The following CDC73 variants were observed in gnomAD, a reference collection of about 807,000 sequenced individuals.
CDC73 encodes the protein cell division cycle 73, also known as parafibromin.
A neutral mutation model predicts 83.7 loss-of-function variants in CDC73; 21 were observed. The ratio of observed to expected loss-of-function variants is 0.25; its 90% CI spans 0.18 to 0.36. The LOEUF (loss-of-function observed/expected upper bound fraction) is 0.36, where lower values mean the gene tolerates loss of function less well. CDC73 is among the 10% of genes least tolerant of loss of function. CDC73 has a pLI of 1.00. For missense variants in CDC73, 342 were observed against 653.3 expected (o/e 0.52, Z 5.19); for synonymous variants, 224 against 212.9 (o/e 1.05, Z -0.45).
intron 13 of CDC73, among the ~76,000 whole-genome samples, chr1:193,230,550 A>G (rs893002904): frequency 7.1e-5 from 10 of 140,872 alleles, no homozygotes; most frequent in African/African-American, 2.2e-4. Flanking sequence ...AGATGAACCT[A>G]TTTTGCCTGA....
chr1:193,191,448 C>T (rs111620895), intron 10 of CDC73, among the ~76,000 whole-genome samples: 1,679 of 152,226 alleles, frequency 0.011, 29 homozygotes, highest in African/African-American at 0.038. Context: ...AGTGCAGTGG[C>T]GTGATCTTGG....
At chr1:193,233,222 C>T (rs148381747) in intron 14 of CDC73, 68 bp downstream of exon 14, 2 of 1,408,796 alleles carry the variant, frequency 1.4e-6, no homozygotes, top group Admixed American at 1.7e-5. Context: ...GTTGTTATTG[C>T]CGTTGATGAC....
At chr1:193,122,603 G>GT in intron 1 of CDC73, 1 of 431,326 alleles carries the variant, frequency 2.3e-6, no homozygotes, top group Non-Finnish European at 4.3e-6. Flanking sequence ...ATTTTTATCA[G>GT]TAGGTATGTG....
chr1:193,161,404 A>T (rs528526601), intron 10 of CDC73, among the ~76,000 whole-genome samples: 2 of 150,908 alleles, frequency 1.3e-5, no homozygotes, highest in Non-Finnish European at 2.9e-5. Flanking sequence ...GACAAAAGTC[A>T]TACCATAGAA....
intron 10 of CDC73, among the ~76,000 whole-genome samples, chr1:193,191,925 C>G (rs1177449880): frequency 6.6e-6 from 1 of 152,048 alleles, no homozygotes; most frequent in Non-Finnish European, 1.5e-5. Flanking sequence ...TTTCAGGCAG[C>G]TTACTCTCCA....
intron 15 of CDC73, among the ~76,000 whole-genome samples, chr1:193,249,363 T>C (rs1678006661): frequency 6.6e-6 from 1 of 152,046 alleles, no homozygotes; most frequent in Admixed American, 6.6e-5. Flanking sequence ...CTACGTAACT[T>C]TTATAAAAAT....
intron 1 of CDC73, among the ~76,000 whole-genome samples, chr1:193,123,153 C>G (rs1440164459): frequency 6.6e-6 from 1 of 152,060 alleles, no homozygotes; most frequent in African/African-American, 2.4e-5. Context: ...AACTTCCCTA[C>G]TCATTTTGTT....
At chr1:193,131,950 T>C (rs558959963) in intron 3 of CDC73, among the ~76,000 whole-genome samples, 94 of 152,360 alleles carry the variant, frequency 6.2e-4, no homozygotes, top group Admixed American at 1.5e-3. Context: ...ATGTACATAG[T>C]GTCTGTCTTT....
intron 10 of CDC73, among the ~76,000 whole-genome samples, chr1:193,195,233 GA>G (rs1400398016): frequency 1.3e-5 from 2 of 152,116 alleles, no homozygotes; most frequent in African/African-American, 4.8e-5. Context: ...ATCTCATCCA[GA>G]AACACCGTCA....
At chr1:193,166,365 G>A (rs1304727529) in intron 10 of CDC73, among the ~76,000 whole-genome samples, 1 of 152,020 alleles carries the variant, frequency 6.6e-6, no homozygotes, top group Non-Finnish European at 1.5e-5. Context: ...GTGTTGCCCG[G>A]GCTGGTCTCT....
At chr1:193,229,838 A>G (rs893997192) in intron 13 of CDC73, among the ~76,000 whole-genome samples, 15 of 152,230 alleles carry the variant, frequency 9.9e-5, no homozygotes, top group Admixed American at 2.0e-4. Flanking sequence ...GTGTGTCTAT[A>G]TAAATTCCCA....
At chr1:193,148,786 A>G (rs1676053911) in intron 8 of CDC73, among the ~76,000 whole-genome samples, 1 of 151,506 alleles carries the variant, frequency 6.6e-6, no homozygotes, top group Admixed American at 6.6e-5. Context: ...CCAGGATTAC[A>G]GGCGCATGCC....
chr1:193,210,510 A>G (rs1405003503), intron 11 of CDC73, among the ~76,000 whole-genome samples: 2 of 152,204 alleles, frequency 1.3e-5, no homozygotes, highest in Non-Finnish European at 2.9e-5. Flanking sequence ...TTATCCTAAG[A>G]TGTATTCATC....
intron 13 of CDC73, among the ~76,000 whole-genome samples, chr1:193,215,592 G>A (rs888911933): frequency 7.1e-6 from 1 of 141,420 alleles, no homozygotes; most frequent in African/African-American, 2.6e-5. Flanking sequence ...ATTAACACAG[G>A]TTTTTTTTTT....
At chr1:193,224,589 T>C (rs558353926) in intron 13 of CDC73, among the ~76,000 whole-genome samples, 2 of 152,288 alleles carry the variant, frequency 1.3e-5, no homozygotes, top group South Asian at 4.1e-4. Context: ...ATATGAAATA[T>C]GCATTCACAT....
intron 3 of CDC73, among the ~76,000 whole-genome samples, chr1:193,132,120 T>C (rs903399601): frequency 1.3e-5 from 2 of 152,226 alleles, no homozygotes; most frequent in African/African-American, 4.8e-5. Flanking sequence ...ATACAACTAT[T>C]GGGTCTTACT....
chr1:193,176,476 T>A (rs1474379531), intron 10 of CDC73, among the ~76,000 whole-genome samples: 2 of 152,196 alleles, frequency 1.3e-5, no homozygotes, highest in African/African-American at 2.4e-5. Flanking sequence ...CAGAGGACAT[T>A]GTCTTACAGA....
In CDC73 at chr1:193,250,680, A is replaced by C; in HGVS notation, c.1564A>C (p.Met522Leu). 1 of 1,607,138 alleles carries C rather than the reference A, an allele frequency of 6.2e-7. No homozygotes were observed. Among genetic ancestry groups the C allele is most frequent in the Middle Eastern group, 1.7e-4 (1 of 6,044 alleles). Residue 522 changes from methionine (M) to leucine (L), a missense_variant, in exon 17 of 17, where the codon ATG (methionine) becomes CTG (leucine). This residue lies in a region of CDC73 where 239 missense variants were observed against 420.6 expected (regional missense o/e 0.57). Transcript: ENST00000367435. ...CTACCATAATATTTTTTTCAGGTAC[A>C]TGGTAAAGCATAAATCGCACTTGAG... The part of the protein sequence containing the change: ...LRFWETLDRY[M>L]VKHKSHLRF
chr1:193,138,774 A>ATT (rs5779662), intron 6 of CDC73, among the ~76,000 whole-genome samples: 2,241 of 128,856 alleles, frequency 0.017, 57 homozygotes, highest in South Asian at 0.034. Flanking sequence ...CTGAACTTTA[A>ATT]TTTTTTTTTT....
Sources: allele counts gnomAD v4.1 joint callset (sites outside exome capture counted in the v4.1 genomes callset), GRCh38; gene constraint gnomAD v4.1.1; regional missense constraint gnomAD v4.1.1; transcripts MANE v1.5; gene names NCBI Gene and HGNC (gene_info 2026-07-23, HGNC 2026-07-21).